Variants in LCP1 observed in about 807,000 individuals in gnomAD.
The protein encoded by LCP1 is plastin-2.
A neutral mutation model predicts 72.0 loss-of-function variants in LCP1; 23 were observed. The observed-to-expected ratio is 0.32, with a 90% CI of 0.23 to 0.45. LCP1 has a LOEUF of 0.45. Among genes scored for constraint, LCP1 ranks in the 20% least tolerant of loss-of-function variants. LCP1 has a pLI of 1.00. For missense variants in LCP1, 571 were observed against 748.3 expected, an observed-to-expected ratio of 0.76 and a Z score of 2.76; for synonymous variants, 245 against 275.4, an observed-to-expected ratio of 0.89 and a Z score of 1.09.
chr13:46,159,493 C>G, intron 2 of LCP1, 106 bp downstream of exon 2: 1 of 870,004 alleles, frequency 1.1e-6, no homozygotes, highest in East Asian at 2.4e-5. Flanking sequence ...CTACTGGTTT[C>G]TTGTCATCTC....
Position 46,125,979 on chromosome 13 carries a change from T to G in LCP1, c.*1612A>C, listed in dbSNP as rs982003109. ...AGCATCATTCTCTTTTCATTTTTTA[T>G]TAAGGCAGTAACATTCTTTCTTCCT... On this transcript the variant is annotated 3_prime_UTR_variant, in exon 16 of 16. Transcript: ENST00000323076. 1 of 194,270 alleles carries G rather than the reference T, an allele frequency of 5.1e-6. No homozygotes were observed. Among genetic ancestry groups the G allele is most frequent in the African/African-American group, 2.3e-5 (1 of 43,200 alleles). The allele number at this position is 194,270 out of a possible 1,614,324, so 12.0% of individuals were successfully genotyped here. A position where few individuals can be genotyped will look rare whatever the true frequency, so the allele number is the denominator to read the frequency against.
At chr13:46,164,251 A>G (rs1177763104) in intron 1 of LCP1, among the ~76,000 whole-genome samples, 2 of 152,252 alleles carry the variant, frequency 1.3e-5, no homozygotes, top group Non-Finnish European at 1.5e-5. Flanking sequence ...AAGTGTCACA[A>G]GTAGGGCCAA....
chr13:46,162,764 G>T lies in LCP1; in HGVS notation c.-24-3078C>A, dbSNP rs926445041. On this transcript the variant is annotated intron_variant, in intron 1 of 15. Transcript: ENST00000323076. The stretch of plus-strand genomic sequence containing the variant: ...GAGCGTCTCTGCCTGGCCGCCCATC[G>T]TCTGAGATGTGGGGAGCGCCTCTGC... Among the ~76,000 whole-genome samples, 9 of 150,606 alleles carry T rather than the reference G, an allele frequency of 6.0e-5. 1 individual carries two copies. Among genetic ancestry groups the T allele is most frequent in the Admixed American group, 6.6e-5 (1 of 15,160 alleles).
chr13:46,158,388 T>G, intron 4 of LCP1, 134 bp downstream of exon 4: 1 of 923,980 alleles, frequency 1.1e-6, no homozygotes, highest in South Asian at 1.7e-5. Context: ...ACTGACCCAC[T>G]TAGTCACAGG....
intron 15 of LCP1, 129 bp from the exon 16 acceptor site, chr13:46,127,852 T>C: frequency 1.9e-6 from 2 of 1,064,826 alleles, no homozygotes; most frequent in Non-Finnish European, 2.7e-6. Flanking sequence ...CTGGAGTCAG[T>C]CACCAGCATC....
At chr13:46,143,233 C>T (rs2045708829) in intron 12 of LCP1, 57 bp downstream of exon 12, 1 of 1,156,252 alleles carries the variant, frequency 8.6e-7, no homozygotes, top group Non-Finnish European at 1.3e-6. Context: ...ATTTAGAGTG[C>T]TCTTGCAGGC....
chr13:46,178,818 G>A (rs781524759), intron 1 of LCP1, among the ~76,000 whole-genome samples: 1 of 152,222 alleles, frequency 6.6e-6, no homozygotes, highest in Middle Eastern at 3.4e-3. Context: ...TAAAGTCCAA[G>A]CCTTTATAAT....
chr13:46,142,456 G>T, intron 12 of LCP1, 31 bp from the exon 13 acceptor site: 2 of 1,604,512 alleles, frequency 1.2e-6, no homozygotes, highest in East Asian at 2.2e-5. Flanking sequence ...ACGATTTAAC[G>T]TCATCATCTT....
At chr13:46,135,262 G>T (rs2045658329) in intron 13 of LCP1, among the ~76,000 whole-genome samples, 1 of 152,264 alleles carries the variant, frequency 6.6e-6, no homozygotes, top group Middle Eastern at 3.4e-3. Context: ...CATGGTTCAG[G>T]TTGGCAGGAG....
chr13:46,135,119 A>AG (rs1337892163), intron 13 of LCP1, among the ~76,000 whole-genome samples: 2 of 141,058 alleles, frequency 1.4e-5, no homozygotes, highest in Admixed American at 6.9e-5. Context: ...AAAAAAAAAA[A>AG]AAAAGAAAAA....
At chr13:46,137,541 A>C (rs1415523251) in intron 13 of LCP1, among the ~76,000 whole-genome samples, 1 of 151,702 alleles carries the variant, frequency 6.6e-6, no homozygotes, top group African/African-American at 2.4e-5. Context: ...ACTCTGTCTC[A>C]AAAAAAAATT....
At chr13:46,133,573 C>G (rs953330918) in intron 14 of LCP1, among the ~76,000 whole-genome samples, 2 of 151,862 alleles carry the variant, frequency 1.3e-5, no homozygotes, top group Non-Finnish European at 2.9e-5. Context: ...CTGCAGTGAG[C>G]CACAATCATG....
intron 14 of LCP1, among the ~76,000 whole-genome samples, chr13:46,131,217 T>C (rs911195927): frequency 6.6e-6 from 1 of 152,146 alleles, no homozygotes; most frequent in Non-Finnish European, 1.5e-5. Flanking sequence ...AAAGTTAAAA[T>C]AGTGGATTGT....
Position 46,144,526 on chromosome 13 carries a change from T to C in LCP1, c.1175-6A>G. 2 of 1,606,640 alleles carry C rather than the reference T, an allele frequency of 1.2e-6. No homozygotes were observed. The highest frequency in any genetic ancestry group is 1.7e-6 in the Non-Finnish European group (2 of 1,173,184). On this transcript the variant is annotated splice_region_variant and splice_polypyrimidine_tract_variant and intron_variant, in intron 10 of 15. Transcript: ENST00000323076. The stretch of plus-strand genomic sequence containing the variant: ...CCGCTCTTCTCTCGTCTCACCTAGA[T>C]GAATGAAGATGGGTTATCTTTTGGG...
chr13:46,135,921 G>T (rs1214603892), intron 13 of LCP1, among the ~76,000 whole-genome samples: 1 of 151,814 alleles, frequency 6.6e-6, no homozygotes, highest in Non-Finnish European at 1.5e-5. Flanking sequence ...CTCCCTGCTT[G>T]GTCACATTTA....
At chr13:46,174,152 T>A (rs1210395545) in intron 1 of LCP1, among the ~76,000 whole-genome samples, 1 of 152,250 alleles carries the variant, frequency 6.6e-6, no homozygotes, top group Non-Finnish European at 1.5e-5. Context: ...AAACTTCTAT[T>A]TATTTGTAAT....
At chr13:46,180,199 C>A (rs1222120724) in intron 1 of LCP1, among the ~76,000 whole-genome samples, 1 of 152,142 alleles carries the variant, frequency 6.6e-6, no homozygotes, top group Non-Finnish European at 1.5e-5. Context: ...GACCTATGGC[C>A]GGTTCCTTCA....
intron 1 of LCP1, among the ~76,000 whole-genome samples, chr13:46,171,537 C>T (rs981221492): frequency 1.4e-4 from 22 of 152,170 alleles, no homozygotes; most frequent in Non-Finnish European, 4.4e-5. Flanking sequence ...TCCCCCCTGC[C>T]ACTGGTGGAG....
rs371734738 is a variant in LCP1, at chr13:46,127,552, G to A, written c.*39C>T. 1.1e-5 allele frequency: 17 copies of A among 1,612,290 alleles called. No individual in the cohort carries two copies. The highest frequency in any genetic ancestry group is 6.7e-5 in the African/African-American group (5 of 74,892). On this transcript the variant is annotated 3_prime_UTR_variant, in exon 16 of 16. Coordinates refer to ENST00000323076, the MANE Select transcript of LCP1 (RefSeq NM_002298.5). ...CTGGAGCATCTGTGCCGGGCAGTCA[G>A]GAGTGAGTGCACCGCCTCCCACCCA...
Sources: gnomAD v4.1 joint callset for allele counts (sites outside exome capture counted in the v4.1 genomes callset) on GRCh38, gnomAD v4.1.1 for gene constraint, MANE v1.5 for transcripts, NCBI Gene and HGNC (gene_info 2026-07-23, HGNC 2026-07-21) for gene names.